The following MGA variants were observed in gnomAD, a reference collection of about 807,000 sequenced individuals.
The protein encoded by MGA is MAX gene-associated protein.
A neutral mutation model predicts 261.1 loss-of-function variants in MGA; 40 were observed. That is an observed-to-expected ratio of 0.15 (90% CI 0.12 to 0.20). The LOEUF (loss-of-function observed/expected upper bound fraction) is 0.20, where lower values mean the gene tolerates loss of function less well. Among genes scored for constraint, MGA ranks in the 10% least tolerant of loss-of-function variants. The pLI is 1.00. For synonymous variants in MGA, 1,302 were observed against 1,290.6 expected, an observed-to-expected ratio of 1.01 and a Z score of -0.19; for missense variants, 3,397 against 3,630.5, an observed-to-expected ratio of 0.94 and a Z score of 1.65.
Position 41,711,275 on chromosome 15 carries a change from T to C in MGA, c.3010T>C (p.Trp1004Arg). The C allele has an allele frequency of 6.2e-7, 1 of 1,613,924 alleles. No individual in the cohort carries two copies. The highest frequency in any genetic ancestry group is 8.5e-7 in the Non-Finnish European group (1 of 1,179,880). The stretch of plus-strand genomic sequence containing the variant: ...AATGGACCTGGAAGACTGTGCACTT[T>C]GGGAAGGAAAACCAAGGACATACAT... The change falls in exon 8 of 24, where the codon TGG becomes CGG. Residue 1004 changes from tryptophan to arginine, a missense_variant. Physicochemically the swap from Trp to Arg is moderately radical, Grantham distance 101 (BLOSUM62 -3). Transcript: ENST00000219905.
At chr15:41,681,847 GTAGT>G (rs1244536772) in intron 2 of MGA, among the ~76,000 whole-genome samples, 2 of 152,068 alleles carry the variant, frequency 1.3e-5, no homozygotes, top group African/African-American at 2.4e-5. Context: ...TTGTTTTGTA[GTAGT>G]TAATTATTGC....
rs768794183 is a variant in MGA at position 41,713,315 on chromosome 15, G to A, written c.3249G>A (p.Leu1083=). 6.2e-7 allele frequency: 1 copy of A among 1,613,954 alleles called. No individual in the cohort carries two copies. The highest frequency in any genetic ancestry group is 1.1e-5 in the South Asian group (1 of 91,084). The change falls in exon 9 of 24, where the codon TTG becomes TTA. Residue 1083 remains leucine (L), a synonymous_variant. Coordinates refer to ENST00000219905, the MANE Select transcript of MGA (RefSeq NM_001164273.2). ...ACTGCATGTTTGGTTGTACTTGTTT[G>A]AAAAGAAAAGTTGTACTTGTTAAAG...
chr15:41,706,326 CT>C (rs879582074), intron 5 of MGA, among the ~76,000 whole-genome samples: 411 of 138,512 alleles, frequency 3.0e-3, no homozygotes, highest in Non-Finnish European at 3.4e-3. Context: ...AAATAGCTGT[CT>C]TTTTTTTTTT....
At chr15:41,648,815 A>G (rs1242451033) in intron 1 of MGA, among the ~76,000 whole-genome samples, 1 of 152,200 alleles carries the variant, frequency 6.6e-6, no homozygotes, top group Non-Finnish European at 1.5e-5. Flanking sequence ...ATGGAAGGTT[A>G]AAAATGGCAG....
intron 2 of MGA, among the ~76,000 whole-genome samples, chr15:41,685,946 A>G (rs1271254074): frequency 6.6e-6 from 1 of 151,288 alleles, no homozygotes; most frequent in Admixed American, 6.6e-5. Context: ...CGGAGCTTGC[A>G]GGGAGCCGAG....
rs201352283 is a variant in MGA at position 41,639,514 on chromosome 15, GT to G, written c.-68+18228del. Among the ~76,000 whole-genome samples the G allele has an allele frequency of 3.0e-4, 43 of 144,452 alleles. 1 individual carries two copies. Among genetic ancestry groups the G allele is most frequent in the African/African-American group, 9.0e-4 (36 of 39,910 alleles). 94.8% of individuals were successfully genotyped at this position (144,452 alleles called of 152,430 possible). On this transcript the variant is annotated intron_variant, in intron 1 of 8. Coordinates refer to the MGA transcript ENST00000566718. ...TCGGCACAGGAGTCAGGAGCATGTAGTTTTTTTTTTTTAAATTAATTAATTT... is the reference window on the plus strand; with the variant it reads ...TCGGCACAGGAGTCAGGAGCATGTAGTTTTTTTTTTTAAATTAATTAATTT...
upstream of MGA, among the ~76,000 whole-genome samples, chr15:41,655,573 ATTTGT>A (rs571836237): frequency 1.8e-3 from 279 of 151,850 alleles, 1 homozygote; most frequent in African/African-American, 6.3e-3. Context: ...ATTGTCATTT[ATTTGT>A]TTTATTTTTT....
At chr15:41,731,398 TTCTC>T (rs71431833) in intron 11 of MGA, among the ~76,000 whole-genome samples, 5 of 151,870 alleles carry the variant, frequency 3.3e-5, no homozygotes, top group African/African-American at 9.7e-5. Context: ...TTAAAATAAT[TTCTC>T]TCATAATTAT....
chr15:41,759,280 A>G (rs977250423), intron 19 of MGA, among the ~76,000 whole-genome samples: 8 of 152,162 alleles, frequency 5.3e-5, no homozygotes, highest in African/African-American at 1.9e-4. Context: ...AATAGATAGC[A>G]TTGAAAATGG....
intron 1 of MGA, among the ~76,000 whole-genome samples, chr15:41,640,444 C>T (rs576508379): frequency 4.6e-5 from 7 of 152,108 alleles, no homozygotes; most frequent in Admixed American, 1.3e-4. Context: ...AGTTTCTTAT[C>T]GTTGATGTAA....
chr15:41,711,719 G>GT (rs910009978), intron 8 of MGA, among the ~76,000 whole-genome samples: 47 of 151,996 alleles, frequency 3.1e-4, no homozygotes, highest in African/African-American at 1.1e-3. Context: ...TTTTTGAGAT[G>GT]GAGTCTCGCT....
At position 41,711,240 on chromosome 15, in the gene MGA, A is replaced by G; in HGVS notation, c.2975A>G (p.Gln992Arg). The G allele has an allele frequency of 6.2e-7, 1 of 1,611,916 alleles. No homozygotes were observed. Among genetic ancestry groups the G allele is most frequent in the Non-Finnish European group, 8.5e-7 (1 of 1,178,030 alleles). Residue 992 changes from glutamine (Q) to arginine (R), a missense_variant, in exon 8 of 24, where the codon CAG becomes CGG. This residue lies in a region of MGA where 519 missense variants were observed against 554.1 expected (regional missense o/e 0.94). Coordinates refer to ENST00000219905, the MANE Select transcript of MGA (RefSeq NM_001164273.2). ...CGCCCTCCAGGCTTGTCTAAATCTCAGGTGAAGCTAATGGACCTGGAAGAC... is the reference window on the plus strand; with the variant it reads ...CGCCCTCCAGGCTTGTCTAAATCTCGGGTGAAGCTAATGGACCTGGAAGAC...
At chr15:41,719,552 G>A (rs1335518395) in intron 9 of MGA, among the ~76,000 whole-genome samples, 3 of 152,054 alleles carry the variant, frequency 2.0e-5, no homozygotes, top group African/African-American at 7.2e-5. Context: ...ACCAGCCTGG[G>A]CAACATGGCG....
In MGA at chr15:41,755,107, A is replaced by G. The variant is rs1279793332; in HGVS notation, c.7139+540A>G. ...TTCACTGGTGAGATGAAAATATGAA[A>G]GGAATGATGACTTGCTCAGGAAAAT... On this transcript the variant is annotated intron_variant, in intron 18 of 23. Transcript: ENST00000219905. Among the ~76,000 whole-genome samples the G allele has an allele frequency of 3.9e-5, 6 of 152,346 alleles. No individual in the cohort carries two copies. The East Asian group carries it at 1.2e-3, about 29-fold the overall frequency.
At chr15:41,621,533 G>A (rs1337690817) in intron 1 of MGA, 1 of 152,286 alleles carries the variant, frequency 6.6e-6, no homozygotes, top group South Asian at 2.1e-4. Flanking sequence ...GCAGCGCGAG[G>A]ATTCCGGGAC....
intron 22 of MGA, among the ~76,000 whole-genome samples, chr15:41,762,870 C>G (rs544961173): frequency 6.6e-6 from 1 of 152,178 alleles, no homozygotes; most frequent in African/African-American, 2.4e-5. Context: ...CACACTCATG[C>G]AAATCCTGAG....
chr15:41,725,073 G>T (rs2061155008), intron 9 of MGA, among the ~76,000 whole-genome samples: 1 of 152,190 alleles, frequency 6.6e-6, no homozygotes, highest in African/African-American at 2.4e-5. Flanking sequence ...TGGGTCTTTG[G>T]CTTTGAACCA....
intron 15 of MGA, among the ~76,000 whole-genome samples, chr15:41,745,848 C>T (rs2062432849): frequency 6.6e-6 from 1 of 152,156 alleles, no homozygotes; most frequent in Non-Finnish European, 1.5e-5. Context: ...TCAAGCAGTC[C>T]TTGCATCTTG....
At chr15:41,729,437 T>G in intron 11 of MGA, 88 bp downstream of exon 11, 8 of 1,297,582 alleles carry the variant, frequency 6.2e-6, no homozygotes, top group Middle Eastern at 1.9e-4. Flanking sequence ...ATAATAATTA[T>G]CCTACAGGGC....
Sources: allele counts gnomAD v4.1 joint callset (sites outside exome capture counted in the v4.1 genomes callset), GRCh38; gene constraint gnomAD v4.1.1; regional missense constraint gnomAD v4.1.1; transcripts MANE v1.5; gene names NCBI Gene and HGNC (gene_info 2026-07-23, HGNC 2026-07-21).